Variants in AUTS2 observed in about 807,000 individuals in gnomAD.
AUTS2 encodes the protein activator of transcription and developmental regulator AUTS2, also known as autism susceptibility gene 2 protein.
A neutral mutation model predicts 112.4 loss-of-function variants in AUTS2; 17 were observed. The observed-to-expected ratio is 0.15, with a 90% CI of 0.10 to 0.23. The LOEUF (loss-of-function observed/expected upper bound fraction) is 0.23, where lower values mean the gene tolerates loss of function less well. AUTS2 is among the 10% of genes least tolerant of loss of function. The probability of loss-of-function intolerance (pLI) is 1.00; values close to 1 mark genes in which losing one functional copy is unlikely to be tolerated. For missense variants in AUTS2, 1,510 were observed against 1,701.6 expected (o/e 0.89, Z 1.98); for synonymous variants, 751 against 702.7 (o/e 1.07, Z -1.09).
chr7:69,758,224 GT>G (rs1177428962), intron 1 of AUTS2, among the ~76,000 whole-genome samples: 1 of 152,186 alleles, frequency 6.6e-6, no homozygotes, highest in African/African-American at 2.4e-5. Context: ...GGTGTTTTTG[GT>G]TTTGTTTTAA....
At chr7:70,001,737 A>G (rs1799205883) in intron 2 of AUTS2, among the ~76,000 whole-genome samples, 1 of 134,892 alleles carries the variant, frequency 7.4e-6, no homozygotes, top group Non-Finnish European at 1.6e-5. Context: ...TTTGAGACTG[A>G]GTTTCACTCT....
At chr7:70,780,532 C>T (rs768056778) in intron 14 of AUTS2, among the ~76,000 whole-genome samples, 15 of 151,954 alleles carry the variant, frequency 9.9e-5, no homozygotes, top group Admixed American at 5.9e-4. Flanking sequence ...TGCACCACCA[C>T]GCCTGGCTGA....
intron 2 of AUTS2, among the ~76,000 whole-genome samples, chr7:70,014,196 T>A (rs1278333006): frequency 6.6e-6 from 1 of 152,222 alleles, no homozygotes; most frequent in Non-Finnish European, 1.5e-5. Context: ...CTGTTCCCTA[T>A]GGAAGATTCC....
At position 69,935,413 on chromosome 7, in the gene AUTS2, A is replaced by T. The variant is rs537786615; in HGVS notation, c.522+35915A>T. On this transcript the variant is annotated intron_variant, in intron 2 of 18. Coordinates refer to ENST00000342771, the MANE Select transcript of AUTS2 (RefSeq NM_015570.4). ...AAACTAGGTGAGTAGCCTTTTCAAA[A>T]TTTTTTTAGGAAGCATTATTCTGGT... 9.2e-5 allele frequency among the ~76,000 whole-genome samples: 14 copies of T among 152,266 alleles called. No individual in the cohort carries two copies. In the East Asian group the frequency reaches 1.5e-3, roughly 17 times the overall value.
At chr7:70,428,588 T>G (rs1475545028) in intron 4 of AUTS2, among the ~76,000 whole-genome samples, 1 of 152,146 alleles carries the variant, frequency 6.6e-6, no homozygotes, top group Non-Finnish European at 1.5e-5. Flanking sequence ...CAAGTTGGGG[T>G]TCTCCCTCAT....
chr7:69,917,168 C>A (rs746480040), intron 2 of AUTS2, among the ~76,000 whole-genome samples: 1 of 152,078 alleles, frequency 6.6e-6, no homozygotes, highest in Non-Finnish European at 1.5e-5. Context: ...CATGTGCCAC[C>A]ACACCTGGCT....
At chr7:70,154,441 T>A (rs1807629679) in intron 4 of AUTS2, among the ~76,000 whole-genome samples, 1 of 152,208 alleles carries the variant, frequency 6.6e-6, no homozygotes, top group Non-Finnish European at 1.5e-5. Context: ...GATCTATAGA[T>A]ATTTGTTATT....
chr7:70,099,428 A>G (rs1036766879), intron 2 of AUTS2, among the ~76,000 whole-genome samples: 1 of 151,616 alleles, frequency 6.6e-6, no homozygotes, highest in African/African-American at 2.4e-5. Flanking sequence ...TTCTGTAATA[A>G]TAGGTTTCTG....
At chr7:70,455,344 T>C (rs1796692698) in intron 5 of AUTS2, among the ~76,000 whole-genome samples, 1 of 152,170 alleles carries the variant, frequency 6.6e-6, no homozygotes, top group African/African-American at 2.4e-5. Context: ...TCTTGGGTGC[T>C]ACAGGTGGCA....
At chr7:70,362,850 T>C (rs1792336794) in intron 4 of AUTS2, among the ~76,000 whole-genome samples, 1 of 152,182 alleles carries the variant, frequency 6.6e-6, no homozygotes, top group South Asian at 2.1e-4. Context: ...CATGAACACC[T>C]GGAGATACGT....
At chr7:70,703,385 A>G (rs1378930191) in intron 6 of AUTS2, among the ~76,000 whole-genome samples, 2 of 150,124 alleles carry the variant, frequency 1.3e-5, no homozygotes, top group African/African-American at 4.9e-5. Context: ...AGTCTCAGCT[A>G]CTTGGGAGGG....
chr7:69,614,356 C>CTTTCTTTCTT (rs1793224005), intron 1 of AUTS2, among the ~76,000 whole-genome samples: 1 of 82,832 alleles, frequency 1.2e-5, no homozygotes, highest in South Asian at 4.4e-4. Context: ...TTCTTTCTTT[C>CTTTCTTTCTT]TTTCTTTCTT....
At chr7:69,769,384 C>T (rs1474355181) in intron 1 of AUTS2, among the ~76,000 whole-genome samples, 1 of 152,122 alleles carries the variant, frequency 6.6e-6, no homozygotes, top group African/African-American at 2.4e-5. Context: ...GACTGCCTTC[C>T]AAGTATTGAC....
chr7:70,298,509 G>T (rs1789051459), intron 4 of AUTS2, among the ~76,000 whole-genome samples: 1 of 152,170 alleles, frequency 6.6e-6, no homozygotes, highest in Non-Finnish European at 1.5e-5. Context: ...TCCCATGCAG[G>T]TTGAGAGAGA....
chr7:70,060,289 T>C (rs2129560611), intron 2 of AUTS2, among the ~76,000 whole-genome samples: 1 of 152,356 alleles, frequency 6.6e-6, no homozygotes, highest in Non-Finnish European at 1.5e-5. Context: ...GAACATTGTA[T>C]AAGGGCAACT....
chr7:70,057,423 G>A (rs1488075543), intron 2 of AUTS2, among the ~76,000 whole-genome samples: 1 of 152,120 alleles, frequency 6.6e-6, no homozygotes, highest in African/African-American at 2.4e-5. Flanking sequence ...GGAGTAGTAG[G>A]TCTCAAAAAG....
intron 4 of AUTS2, among the ~76,000 whole-genome samples, chr7:70,299,928 G>T (rs1789128726): frequency 6.6e-6 from 1 of 151,916 alleles, no homozygotes; most frequent in African/African-American, 2.4e-5. Context: ...CATGTAGTCT[G>T]ATGCATGATC....
At chr7:70,155,136 T>TA in intron 4 of AUTS2, among the ~76,000 whole-genome samples, 1 of 152,156 alleles carries the variant, frequency 6.6e-6, no homozygotes. Context: ...GTGGCACTGT[T>TA]ATGGTGGTAT....
At chr7:70,638,655 C>G (rs1805648941) in intron 5 of AUTS2, among the ~76,000 whole-genome samples, 1 of 152,144 alleles carries the variant, frequency 6.6e-6, no homozygotes, top group African/African-American at 2.4e-5. Context: ...TATTTTATTG[C>G]CAGTCCTTGA....
Sources: allele counts gnomAD v4.1 joint callset (sites outside exome capture counted in the v4.1 genomes callset), GRCh38; gene constraint gnomAD v4.1.1; transcripts MANE v1.5; gene names NCBI Gene and HGNC (gene_info 2026-07-23, HGNC 2026-07-21).